CUX1: variants seen among roughly 807,000 people sequenced by gnomAD.
CUX1 encodes protein CASP.
In CUX1, 31 loss-of-function variants were observed where a neutral mutation model predicts 158.8. That is an observed-to-expected ratio of 0.20 (90% CI 0.15 to 0.26). The LOEUF is 0.26. Among genes scored for constraint, CUX1 ranks in the 10% least tolerant of loss-of-function variants. CUX1 has a pLI of 1.00. For synonymous variants in CUX1, 879 were observed against 862.1 expected, an observed-to-expected ratio of 1.02 and a Z score of -0.34; for missense variants, 1,589 against 2,014.6, an observed-to-expected ratio of 0.79 and a Z score of 4.04.
chr7:101,883,092 C>T (rs1584872239), intron 1 of CUX1, among the ~76,000 whole-genome samples: 3 of 152,226 alleles, frequency 2.0e-5, no homozygotes, highest in Middle Eastern at 3.4e-3. Flanking sequence ...ACTCTTGGCT[C>T]GGGCTCAGGT....
At chr7:102,092,722 G>A (rs1048101899) in intron 4 of CUX1, among the ~76,000 whole-genome samples, 5 of 151,882 alleles carry the variant, frequency 3.3e-5, no homozygotes, top group Admixed American at 1.3e-4. Context: ...GACCAGCCTG[G>A]GCAATGGGGT....
intron 1 of CUX1, among the ~76,000 whole-genome samples, chr7:101,837,360 T>C (rs566549026): frequency 3.9e-4 from 60 of 152,330 alleles, no homozygotes; most frequent in Non-Finnish European, 6.2e-4. Flanking sequence ...GTTCCATACG[T>C]TACAGTGAAA....
intron 20 of CUX1, among the ~76,000 whole-genome samples, chr7:102,208,474 C>G (rs1796169359): frequency 6.6e-6 from 1 of 152,252 alleles, no homozygotes; most frequent in African/African-American, 2.4e-5. Flanking sequence ...CTCCCAACCT[C>G]AGGTGATCCA....
At chr7:102,097,991 A>C (rs1554484915) in intron 5 of CUX1, among the ~76,000 whole-genome samples, 1 of 152,260 alleles carries the variant, frequency 6.6e-6, no homozygotes, top group African/African-American at 2.4e-5. Context: ...AATGAAAGAA[A>C]ACAACCTCTT....
At chr7:101,952,242 T>G (rs970340024) in intron 2 of CUX1, among the ~76,000 whole-genome samples, 3 of 152,084 alleles carry the variant, frequency 2.0e-5, no homozygotes, top group Non-Finnish European at 4.4e-5. Context: ...AAAAATTAGC[T>G]AGGCGTGGTA....
chr7:102,203,638 G>A (rs972104232), intron 18 of CUX1, among the ~76,000 whole-genome samples: 9 of 152,292 alleles, frequency 5.9e-5, no homozygotes, highest in African/African-American at 1.2e-4. Context: ...TGTTTGGCCC[G>A]TGAGTGCAGT....
At chr7:102,000,401 A>G (rs999577872) in intron 2 of CUX1, among the ~76,000 whole-genome samples, 6 of 152,224 alleles carry the variant, frequency 3.9e-5, no homozygotes, top group Admixed American at 6.5e-5. Context: ...TCCCAAGTGC[A>G]TGCGTCTGAC....
chr7:102,186,854 G>C (rs1472253728), intron 11 of CUX1: 1 of 152,084 alleles, frequency 6.6e-6, no homozygotes, highest in Non-Finnish European at 1.5e-5. Context: ...CCAACATTGT[G>C]AAACTTCATC....
At chr7:101,836,684 CAAAA>C (rs71755816) in intron 1 of CUX1, among the ~76,000 whole-genome samples, 7 of 77,828 alleles carry the variant, frequency 9.0e-5, no homozygotes, top group Admixed American at 6.4e-4. Context: ...GACTCCTTCT[CAAAA>C]AAAAAAAAAA....
At chr7:102,180,494 T>G (rs2131806923) in intron 11 of CUX1, among the ~76,000 whole-genome samples, 1 of 151,962 alleles carries the variant, frequency 6.6e-6, no homozygotes, top group Admixed American at 6.6e-5. Context: ...CCCAGCTAGT[T>G]TTTTAATTTT....
chr7:102,152,144 C>T (rs1249053573), intron 8 of CUX1, among the ~76,000 whole-genome samples: 1 of 152,092 alleles, frequency 6.6e-6, no homozygotes, highest in African/African-American at 2.4e-5. Flanking sequence ...GAGTTTAAGA[C>T]CAGCTTGGGA....
chr7:101,873,062 G>A (rs576420599), intron 1 of CUX1, among the ~76,000 whole-genome samples: 145 of 151,662 alleles, frequency 9.6e-4, no homozygotes, highest in Admixed American at 2.2e-3. Context: ...TAGTAGAGAC[G>A]GGGTTTCACC....
At chr7:102,195,821 C>T (rs925604929) in intron 14 of CUX1, among the ~76,000 whole-genome samples, 65 of 152,304 alleles carry the variant, frequency 4.3e-4, no homozygotes, top group African/African-American at 1.5e-3. Context: ...ACGGGCCAGC[C>T]GCACAGGCTC....
chr7:101,989,611 C>T (rs1405516925), intron 2 of CUX1, among the ~76,000 whole-genome samples: 1 of 152,184 alleles, frequency 6.6e-6, no homozygotes, highest in Non-Finnish European at 1.5e-5. Context: ...GAGCTCAGCC[C>T]TGTCATTGGA....
At chr7:102,020,358 CAT>C (rs1007054611) in intron 2 of CUX1, among the ~76,000 whole-genome samples, 2 of 152,136 alleles carry the variant, frequency 1.3e-5, no homozygotes, top group African/African-American at 4.8e-5. Context: ...ACAAAAGAAA[CAT>C]CATTTTTCAC....
Position 102,249,122 on chromosome 7 carries a change from AC to A in CUX1, c.*82del. On this transcript the variant is annotated 3_prime_UTR_variant, in exon 24 of 24. Coordinates refer to ENST00000292535, the MANE Select transcript of CUX1 (RefSeq NM_181552.4). Reference sequence around the variant, plus strand: ...GTCGGACGGGGCAGGCGCTGCGGACACCGTGGCCTGGGCTTGGCCCGCGGCC... The same window carrying A: ...GTCGGACGGGGCAGGCGCTGCGGACACGTGGCCTGGGCTTGGCCCGCGGCC... The A allele has an allele frequency of 1.7e-6, 2 of 1,176,350 alleles. No individual in the cohort carries two copies. Among genetic ancestry groups the A allele is most frequent in the Non-Finnish European group, 2.1e-6 (2 of 951,140 alleles). 72.9% of individuals were successfully genotyped at this position (1,176,350 alleles called of 1,614,324 possible). A position where few individuals can be genotyped will look rare whatever the true frequency, so the allele number is the denominator to read the frequency against.
intron 5 of CUX1, among the ~76,000 whole-genome samples, chr7:102,103,357 G>A (rs1829983236): frequency 6.6e-6 from 1 of 152,104 alleles, no homozygotes; most frequent in African/African-American, 2.4e-5. Flanking sequence ...GCAGGGCCAG[G>A]CCTGCTTGCT....
intron 3 of CUX1, among the ~76,000 whole-genome samples, chr7:102,032,890 C>G (rs1054840251): frequency 6.6e-6 from 1 of 152,000 alleles, no homozygotes; most frequent in African/African-American, 2.4e-5. Flanking sequence ...TTATTCTAGC[C>G]CAACAATTTA....
chr7:102,269,572 A>ATTTTTTTTTTTTTTTTT (rs71123030), intron 14 of CUX1, among the ~76,000 whole-genome samples: 1 of 107,802 alleles, frequency 9.3e-6, no homozygotes, highest in Non-Finnish European at 1.7e-5. Context: ...TGCCCGGCTA[A>ATTTTTTTTTTTTTTTTT]TTTTTTTTTT....
Sources: allele counts gnomAD v4.1 joint callset (sites outside exome capture counted in the v4.1 genomes callset), GRCh38; gene constraint gnomAD v4.1.1; transcripts MANE v1.5; gene names NCBI Gene and HGNC (gene_info 2026-07-23, HGNC 2026-07-21).